TECPR2: variants seen among roughly 807,000 people sequenced by gnomAD.
TECPR2 encodes tectonin beta-propeller repeat containing 2.
TECPR2 carries 65 observed loss-of-function variants against 138.1 expected under a neutral mutation model. The observed-to-expected ratio is 0.47, with a 90% CI of 0.39 to 0.58. TECPR2 has a LOEUF of 0.58. Among genes scored for constraint, TECPR2 ranks in the 20% least tolerant of loss-of-function variants. TECPR2 has a pLI of 0.00. For missense variants in TECPR2, 1,553 were observed against 1,824.5 expected, an observed-to-expected ratio of 0.85 and a Z score of 2.71; for synonymous variants, 746 against 749.8, an observed-to-expected ratio of 0.99 and a Z score of 0.08.
intron 17 of TECPR2, among the ~76,000 whole-genome samples, chr14:102,465,932 G>C (rs1890542422): frequency 1.3e-5 from 2 of 152,180 alleles, no homozygotes; most frequent in South Asian, 4.1e-4. Context: ...ACTGGGGGCT[G>C]TGGTTTTTTG....
At chr14:102,427,878 A>G (rs1175857837) in intron 6 of TECPR2, among the ~76,000 whole-genome samples, 1 of 152,178 alleles carries the variant, frequency 6.6e-6, no homozygotes, top group Non-Finnish European at 1.5e-5. Context: ...AGAGAACTGG[A>G]ACTTCCCCAG....
rs569954096 is a variant in TECPR2, at chr14:102,443,131, G to T, written c.2753-516G>T. On this transcript the variant is annotated intron_variant, in intron 11 of 19. Coordinates refer to ENST00000359520, the MANE Select transcript of TECPR2 (RefSeq NM_014844.5). The surrounding 1 kb of genome is among the most constrained non-coding windows in gnomAD (Gnocchi z 4.9). Reference sequence around the variant, plus strand: ...TCAGGTCCCTGCCAACTCCAGCAGCGCTGCAGCCCTCTGCCTGGAAGAGCT... The same window carrying T: ...TCAGGTCCCTGCCAACTCCAGCAGCTCTGCAGCCCTCTGCCTGGAAGAGCT... Among the ~76,000 whole-genome samples, 1 of 152,244 alleles carries T rather than the reference G, an allele frequency of 6.6e-6. No individual in the cohort carries two copies. The highest frequency in any genetic ancestry group is 2.4e-5 in the African/African-American group (1 of 41,466).
At position 102,383,899 on chromosome 14, in the gene TECPR2, A is replaced by G. The variant is rs374460295; in HGVS notation, c.219+6959A>G. The stretch of plus-strand genomic sequence containing the variant: ...TCTTTGTTTCGTTTTCCTTTAACAG[A>G]ATACCTAAGACTAGTAGTTGTTCTT... On this transcript the variant is annotated intron_variant, in intron 2 of 19. Transcript: ENST00000359520. Among the ~76,000 whole-genome samples, 6 of 151,738 alleles carry G rather than the reference A, an allele frequency of 4.0e-5. 1 individual carries two copies. The highest frequency in any genetic ancestry group is 3.9e-4 in the East Asian group (2 of 5,170).
chr14:102,371,496 A>G (rs547367685), intron 1 of TECPR2, among the ~76,000 whole-genome samples: 22 of 152,216 alleles, frequency 1.4e-4, no homozygotes, highest in Admixed American at 4.6e-4. Flanking sequence ...CAGATAGGGA[A>G]ATAGCATGGA....
intron 5 of TECPR2, among the ~76,000 whole-genome samples, chr14:102,421,580 G>A (rs938630412): frequency 2.0e-4 from 30 of 152,192 alleles, no homozygotes; most frequent in African/African-American, 6.8e-4. Context: ...TGCAGGGAGT[G>A]TGGGAACAGG....
chr14:102,370,966 A>G (rs1887490179), intron 1 of TECPR2, among the ~76,000 whole-genome samples: 1 of 152,192 alleles, frequency 6.6e-6, no homozygotes, highest in Non-Finnish European at 1.5e-5. Flanking sequence ...AAGATAGGTA[A>G]GTGTCTTTGA....
intron 4 of TECPR2, 98 bp from the exon 5 acceptor site, chr14:102,414,538 C>A: frequency 6.8e-7 from 1 of 1,474,982 alleles, no homozygotes; most frequent in Non-Finnish European, 9.2e-7. Flanking sequence ...GCAAGCTGAC[C>A]TAAGCACAGC....
At chr14:102,440,917 T>A (rs1889811119) in intron 11 of TECPR2, among the ~76,000 whole-genome samples, 1 of 152,154 alleles carries the variant, frequency 6.6e-6, no homozygotes, top group African/African-American at 2.4e-5. Flanking sequence ...ATGTTAGATC[T>A]TAAGAGGTAA....
intron 1 of TECPR2, among the ~76,000 whole-genome samples, chr14:102,370,623 G>T (rs966710714): frequency 6.6e-6 from 1 of 152,222 alleles, no homozygotes; most frequent in Non-Finnish European, 1.5e-5. Flanking sequence ...CAAGGTTCTT[G>T]TAAGCCAGCA....
At chr14:102,441,468 G>A (rs1302938988) in intron 11 of TECPR2, among the ~76,000 whole-genome samples, 1 of 150,096 alleles carries the variant, frequency 6.7e-6, no homozygotes, top group African/African-American at 2.4e-5. Context: ...CCTGAGGTCA[G>A]GAGTTCAAGA....
At position 102,428,215 on chromosome 14, in the gene TECPR2, G is replaced by GTTTTTTTTTTTT. The variant is rs375843791; in HGVS notation, c.952-29_952-28insTTTTTTTTTTTT. 2.1e-5 allele frequency: 28 copies of GTTTTTTTTTTTT among 1,309,918 alleles called. 2 individuals carry two copies. The highest frequency in any genetic ancestry group is 9.3e-5 in the East Asian group (3 of 32,172). The allele number at this position is 1,309,918 out of a possible 1,614,324, so 81.1% of individuals were successfully genotyped here. A position where few individuals can be genotyped will look rare whatever the true frequency, so the allele number is the denominator to read the frequency against. On this transcript the variant is annotated intron_variant, in intron 6 of 19. Transcript: ENST00000359520. The stretch of plus-strand genomic sequence containing the variant: ...AGCTGTTACCGTTGTTTAGTTTTGT[G>GTTTTTTTTTTTT]TTTTTTGTTTTTTTTTTTTTTTTTT...
At chr14:102,447,735 A>C (rs1478228046) in intron 13 of TECPR2, among the ~76,000 whole-genome samples, 1 of 152,020 alleles carries the variant, frequency 6.6e-6, no homozygotes, top group African/African-American at 2.4e-5. Flanking sequence ...GGGTTTCACC[A>C]TGTTGGCCAG....
intron 2 of TECPR2, among the ~76,000 whole-genome samples, chr14:102,394,134 G>A (rs1424032890): frequency 6.6e-6 from 1 of 152,114 alleles, no homozygotes; most frequent in Non-Finnish European, 1.5e-5. Context: ...CCCAACTCCA[G>A]ATCATAAAGT....
chr14:102,441,895 GTTATC>G (rs1889846098), intron 11 of TECPR2, among the ~76,000 whole-genome samples: 4 of 152,344 alleles, frequency 2.6e-5, no homozygotes, highest in South Asian at 4.1e-4. Context: ...TGGGGCAGGA[GTTATC>G]GTCAGTTGTC....
At position 102,434,882 on chromosome 14, in the gene TECPR2, G is replaced by A; in HGVS notation, c.2065G>A (p.Ala689Thr). 1 of 1,613,654 alleles carries A rather than the reference G, an allele frequency of 6.2e-7. No homozygotes were observed. Among genetic ancestry groups the A allele is most frequent in the Non-Finnish European group, 8.5e-7 (1 of 1,180,034 alleles). Residue 689 changes from alanine to threonine, a missense_variant, in exon 9 of 20, where the codon GCC (alanine) becomes ACC (threonine). Transcript: ENST00000359520. Reference sequence around the variant, plus strand: ...GCAGGACATCCTAACCAGCATGGAGGCCTCTGGCCACCTCAGCACAAATCT... The same window carrying A: ...GCAGGACATCCTAACCAGCATGGAGACCTCTGGCCACCTCAGCACAAATCT... ...QEQDILTSMEASGHLSTNLWH... is the reference protein window; with the variant it reads ...QEQDILTSMETSGHLSTNLWH...
At chr14:102,380,403 A>G (rs1226112766) in intron 2 of TECPR2, among the ~76,000 whole-genome samples, 2 of 152,252 alleles carry the variant, frequency 1.3e-5, no homozygotes, top group Non-Finnish European at 2.9e-5. Flanking sequence ...TGTATAATTT[A>G]TAAAGGAAAG....
intron 13 of TECPR2, among the ~76,000 whole-genome samples, chr14:102,449,254 C>G (rs1372782534): frequency 6.6e-6 from 1 of 152,190 alleles, no homozygotes; most frequent in Non-Finnish European, 1.5e-5. Context: ...GAAAAGATGG[C>G]AAAATTATTC....
chr14:102,497,848 A>C (rs1206926143), intron 19 of TECPR2, 129 bp downstream of exon 19: 39 of 1,298,946 alleles, frequency 3.0e-5, no homozygotes, highest in Non-Finnish European at 4.0e-5. Flanking sequence ...ACTGAGGGCA[A>C]AGCCAGGAGT....
intron 17 of TECPR2, among the ~76,000 whole-genome samples, chr14:102,493,367 C>T (rs986953639): frequency 2.0e-5 from 3 of 152,222 alleles, no homozygotes; most frequent in African/African-American, 7.2e-5. Context: ...GGGAGCCTCT[C>T]CTCCACATAG....
Sources: gnomAD v4.1 joint callset for allele counts (sites outside exome capture counted in the v4.1 genomes callset) on GRCh38, gnomAD v4.1.1 for gene constraint, Gnocchi (gnomAD v3.1) non-coding constraint, MANE v1.5 for transcripts, NCBI Gene and HGNC (gene_info 2026-07-23, HGNC 2026-07-21) for gene names.